The following LYZL2 variants were observed in gnomAD, a reference collection of about 807,000 sequenced individuals.
LYZL2 encodes lysozyme-like protein 2.
In LYZL2, 13 loss-of-function variants were observed where a neutral mutation model predicts 17.1. That is an observed-to-expected ratio of 0.76 (90% CI 0.49 to 1.21). The LOEUF is 1.21. LYZL2 is among the 50% of genes most tolerant of loss of function. The pLI, the probability that LYZL2 is intolerant of heterozygous loss-of-function variation, is 0.00. For synonymous variants in LYZL2, 63 were observed against 74.4 expected (o/e 0.85, Z 0.79); for missense variants, 166 against 189.2 (o/e 0.88, Z 0.72).
At chr10:30,615,900 A>G (rs994461398) in intron 3 of LYZL2, among the ~76,000 whole-genome samples, 5 of 147,108 alleles carry the variant, frequency 3.4e-5, no homozygotes, top group Admixed American at 2.7e-4. Flanking sequence ...AAAAAAAGAT[A>G]GTCATTAATT....
At chr10:30,611,401 A>G (rs1838430740), downstream of LYZL2, among the ~76,000 whole-genome samples, 2 of 150,780 alleles carry the variant, frequency 1.3e-5, no homozygotes, top group South Asian at 4.2e-4. Context: ...CGGGAGGCTG[A>G]GGCACAAGAA....
intron 3 of LYZL2, among the ~76,000 whole-genome samples, chr10:30,625,810 T>C (rs889675229): frequency 6.6e-6 from 1 of 152,264 alleles, no homozygotes; most frequent in African/African-American, 2.4e-5. Context: ...TTTTTCTTAC[T>C]GAAGACATCA....
rs753569225 is a variant in LYZL2, at chr10:30,626,276, A to T, written c.140-13T>A. 1 of 1,612,210 alleles carries T rather than the reference A, an allele frequency of 6.2e-7. No individual in the cohort carries two copies. Among genetic ancestry groups the T allele is most frequent in the African/African-American group, 1.3e-5 (1 of 74,862 alleles). ...GCCATGCAGATCCCTGGAGGGGGGA[A>T]AGCCAGAAACGCCAGCAAAGGAGGT... is the stretch of plus-strand genomic sequence containing the variant. On this transcript the variant is annotated splice_polypyrimidine_tract_variant and intron_variant, in intron 2 of 4. Transcript: ENST00000647634.
At chr10:30,617,688 A>G (rs1368206937) in intron 3 of LYZL2, among the ~76,000 whole-genome samples, 2 of 148,940 alleles carry the variant, frequency 1.3e-5, no homozygotes, top group Non-Finnish European at 3.0e-5. Context: ...AAAAAAAAAA[A>G]AAAAAAAAAA....
chr10:30,623,389 T>G (rs1838655110), intron 3 of LYZL2, among the ~76,000 whole-genome samples: 1 of 152,158 alleles, frequency 6.6e-6, no homozygotes, highest in Admixed American at 6.5e-5. Flanking sequence ...TGAAATCATA[T>G]AGACCTGGGA....
intron 3 of LYZL2, among the ~76,000 whole-genome samples, chr10:30,622,393 C>A (rs533495502): frequency 6.6e-6 from 1 of 151,242 alleles, no homozygotes; most frequent in African/African-American, 2.4e-5. Context: ...AAAAAAAATA[C>A]AAAAAATTAG....
chr10:30,615,649 T>C (rs1200183615), intron 3 of LYZL2, among the ~76,000 whole-genome samples: 1 of 152,234 alleles, frequency 6.6e-6, no homozygotes. Context: ...CAAATTATCA[T>C]GTTATTTACT....
rs766169947 is a variant in LYZL2 at position 30,612,035 on chromosome 10, G to C, written c.378-11C>G. ...TTCTTCCAGCCTTGCCTGAGGACGA[G>C]AGGGAAGCAAGAGCAGCAGAAAGAA... On this transcript the variant is annotated splice_polypyrimidine_tract_variant and intron_variant, in intron 4 of 4. Transcript: ENST00000647634. 6.2e-7 allele frequency: 1 copy of C among 1,613,898 alleles called. No individual in the cohort carries two copies. The highest frequency in any genetic ancestry group is 1.1e-5 in the South Asian group (1 of 91,072).
chr10:30,622,827 G>A (rs1838646826), intron 3 of LYZL2, among the ~76,000 whole-genome samples: 1 of 152,126 alleles, frequency 6.6e-6, no homozygotes, highest in Non-Finnish European at 1.5e-5. Context: ...GCTGACCTAT[G>A]TTTTAATCAC....
At chr10:30,607,131 C>G (rs75448624), downstream of LYZL2, among the ~76,000 whole-genome samples, 2 of 151,722 alleles carry the variant, frequency 1.3e-5, no homozygotes, top group Non-Finnish European at 2.9e-5. Flanking sequence ...AGGCTGGTCT[C>G]AAACTCCTGA....
At chr10:30,623,668 C>T (rs145933031) in intron 3 of LYZL2, among the ~76,000 whole-genome samples, 1 of 152,212 alleles carries the variant, frequency 6.6e-6, no homozygotes, top group Non-Finnish European at 1.5e-5. Flanking sequence ...TCTCCCATCA[C>T]CCCCAGATGG....
intron 3 of LYZL2, among the ~76,000 whole-genome samples, chr10:30,617,751 T>C (rs1403414769): frequency 6.6e-6 from 1 of 150,542 alleles, no homozygotes; most frequent in Admixed American, 6.6e-5. Flanking sequence ...AGCATTCCCT[T>C]TGAAAACTAG....
intron 3 of LYZL2, among the ~76,000 whole-genome samples, chr10:30,619,097 C>T (rs9417815): frequency 0.48 from 73,668 of 152,070 alleles, 18,737 homozygotes; most frequent in Middle Eastern, 0.56. Context: ...CACTGGCCAT[C>T]AGAGAAATGC....
At position 30,626,035 on chromosome 10, in the gene LYZL2, G is replaced by A. The variant is rs1480669612; in HGVS notation, c.298+70C>T. On this transcript the variant is annotated intron_variant, in intron 3 of 4. Coordinates refer to ENST00000647634, the MANE Select transcript of LYZL2 (RefSeq NM_183058.3). ...CAAATTTTAGTTAAAGCAAGACATG[G>A]TTGGTGATCCCATTGTCGGCTTTCT... The A allele has an allele frequency of 4.4e-5, 69 of 1,562,852 alleles. 1 individual carries two copies. In the South Asian group the frequency reaches 7.9e-4, roughly 18 times the overall value.
At position 30,626,841 on chromosome 10, in the gene LYZL2, G is replaced by A. The variant is rs749636943; in HGVS notation, c.75C>T (p.Cys25=). The change falls in exon 2 of 5, where the codon TGC becomes TGT. Residue 25 remains cysteine (C), a synonymous_variant. Coordinates refer to ENST00000647634, the MANE Select transcript of LYZL2 (RefSeq NM_183058.3). ...CCCTCGAGAATATTTTTGCCAGTTTGCAACGAGTGTAGATTTTGGACTCGG... is the reference window on the plus strand; with the variant it reads ...CCCTCGAGAATATTTTTGCCAGTTTACAACGAGTGTAGATTTTGGACTCGG... The part of the protein sequence containing the change: ...TGAESKIYTR[C]KLAKIFSRAG... 12 of 1,614,238 alleles carry A rather than the reference G, an allele frequency of 7.4e-6. No homozygotes were observed. The highest frequency in any genetic ancestry group is 6.8e-6 in the Non-Finnish European group (8 of 1,180,046).
intron 1 of LYZL2, among the ~76,000 whole-genome samples, chr10:30,627,443 A>G (rs1179845885): frequency 6.6e-6 from 1 of 151,846 alleles, no homozygotes; most frequent in Admixed American, 6.6e-5. Flanking sequence ...GACCACCAGG[A>G]TGAAGCCCTT....
At chr10:30,627,885 C>T (rs1385248112) in intron 1 of LYZL2, among the ~76,000 whole-genome samples, 3 of 152,202 alleles carry the variant, frequency 2.0e-5, no homozygotes, top group Non-Finnish European at 4.4e-5. Flanking sequence ...CTAGGCCAGG[C>T]GCGGTGGCTC....
rs553156299 is a variant in LYZL2, at chr10:30,625,551, T to C, written c.298+554A>G. 2.0e-5 allele frequency among the ~76,000 whole-genome samples: 3 copies of C among 151,752 alleles called. No individual in the cohort carries two copies. In the East Asian group the frequency reaches 5.8e-4, roughly 29 times the overall value. On this transcript the variant is annotated intron_variant, in intron 3 of 4. Coordinates refer to ENST00000647634, the MANE Select transcript of LYZL2 (RefSeq NM_183058.3). ...CTACAAAAAAAAACAAAAATAAAAA[T>C]AGCTGGGCATATGCCTGTAGTTCCA...
downstream of LYZL2, among the ~76,000 whole-genome samples, chr10:30,611,570 G>GGAAGGAAGGAAGGAAGGAAAGAAAGAAA (rs1491344870): frequency 9.2e-5 from 5 of 54,112 alleles, no homozygotes; most frequent in African/African-American, 1.5e-4. Context: ...AAGGAAGGAA[G>GGAAGGAAGGAAGGAAGGAAAGAAAGAAA]GAAAGAAAGA....
Sources: allele counts gnomAD v4.1 joint callset (sites outside exome capture counted in the v4.1 genomes callset), GRCh38; gene constraint gnomAD v4.1.1; transcripts MANE v1.5; gene names NCBI Gene and HGNC (gene_info 2026-07-23, HGNC 2026-07-21).